Variants in CR1 observed in about 807,000 individuals in gnomAD.
CR1 encodes complement C3b/C4b receptor 1 (Knops blood group).
Under a neutral mutation model 187.3 loss-of-function variants are expected in CR1, and 116 were observed. That is an observed-to-expected ratio of 0.62 (90% CI 0.53 to 0.72). The LOEUF (loss-of-function observed/expected upper bound fraction) is 0.72. Among genes scored for constraint, CR1 ranks in the 30% least tolerant of loss-of-function variants. The probability of loss-of-function intolerance (pLI) is 0.00; values close to 1 mark genes in which losing one functional copy is unlikely to be tolerated. For synonymous variants in CR1, 576 were observed against 747.1 expected (o/e 0.77, Z 3.73); for missense variants, 1,731 against 2,110.7 (o/e 0.82, Z 3.52).
At chr1:207,498,799 A>G (rs994425749) in intron 1 of CR1, among the ~76,000 whole-genome samples, 4 of 135,772 alleles carry the variant, frequency 2.9e-5, no homozygotes, top group Non-Finnish European at 4.6e-5. Flanking sequence ...AATCGCTTGA[A>G]CCTGGGAGGC....
At chr1:207,517,189 T>C (rs1373375457) in intron 4 of CR1, among the ~76,000 whole-genome samples, 2 of 152,136 alleles carry the variant, frequency 1.3e-5, no homozygotes, top group African/African-American at 4.8e-5. Context: ...ATTACATTGA[T>C]TGATGTTTAA....
At chr1:207,579,441 G>A (rs1291696758) in intron 29 of CR1, among the ~76,000 whole-genome samples, 1 of 152,166 alleles carries the variant, frequency 6.6e-6, no homozygotes, top group Admixed American at 6.5e-5. Flanking sequence ...TCACAATCCT[G>A]CTGACCAAAA....
chr1:207,617,505 ATATGTGTG>A lies in CR1; in HGVS notation c.6890-564_6890-557del, dbSNP rs1455997001. On this transcript the variant is annotated intron_variant, in intron 41 of 46. Transcript: ENST00000367049. Reference sequence around the variant, plus strand: ...AAAGTATATATATATATATATATATATATGTGTGTGTGTGTGTGTGTGTGTGTGTGTGT... The same window carrying A: ...AAAGTATATATATATATATATATATATGTGTGTGTGTGTGTGTGTGTGTGT... Among the ~76,000 whole-genome samples, 160 of 40,878 alleles carry A rather than the reference ATATGTGTG, an allele frequency of 3.9e-3. 17 individuals are homozygous for A. Among genetic ancestry groups the A allele is most frequent in the African/African-American group, 0.012 (158 of 12,984 alleles). 26.8% of individuals were successfully genotyped at this position (40,878 alleles called of 152,430 possible).
At chr1:207,585,020 A>G in intron 33 of CR1, 144 bp downstream of exon 33, 1 of 1,315,128 alleles carries the variant, frequency 7.6e-7, no homozygotes, top group Non-Finnish European at 1.0e-6. Context: ...CCATAGCTAA[A>G]ACAGATGGGT....
At chr1:207,629,794 G>T (rs1382712644) in intron 45 of CR1, among the ~76,000 whole-genome samples, 2 of 152,172 alleles carry the variant, frequency 1.3e-5, no homozygotes, top group African/African-American at 2.4e-5. Flanking sequence ...CCAAGTGAGG[G>T]TGAGGGCTTT....
chr1:207,585,245 TA>T (rs1285701795), intron 33 of CR1, among the ~76,000 whole-genome samples: 1 of 152,186 alleles, frequency 6.6e-6, no homozygotes, highest in Admixed American at 6.5e-5. Flanking sequence ...ACAGTCTCCA[TA>T]AGTTCATGAG....
chr1:207,575,618 C>G lies in CR1; in HGVS notation c.4475C>G (p.Ser1492Cys). The change falls in exon 28 of 47, where the codon TCT (serine) becomes TGT (cysteine). Residue 1492 changes from serine (S) to cysteine (C), a missense_variant. Ser to Cys is a moderately radical substitution (Grantham distance 112). Around this residue, in one of 5 missense-constraint regions of CR1, gnomAD observed 1,312 missense variants for 1,379.6 expected, o/e 0.95. Coordinates refer to ENST00000367049, the MANE Select transcript of CR1 (RefSeq NM_000651.6). ...AGGCACCGACTCATTGGTCACTCAT[C>G]TGCTGAATGTATCCTCTCAGGCAAT... Reference protein sequence around the residue: ...TTGHRLIGHSSAECILSGNTA... With the variant: ...TTGHRLIGHSCAECILSGNTA... 1 of 1,611,826 alleles carries G rather than the reference C, an allele frequency of 6.2e-7. No individual in the cohort carries two copies. Among genetic ancestry groups the G allele is most frequent in the Non-Finnish European group, 8.5e-7 (1 of 1,179,694 alleles).
At chr1:207,638,587 C>T (rs186126090) in intron 46 of CR1, among the ~76,000 whole-genome samples, 35 of 152,346 alleles carry the variant, frequency 2.3e-4, no homozygotes, top group African/African-American at 7.9e-4. Flanking sequence ...GCAGCCTTTC[C>T]TGTTGGATCA....
At chr1:207,586,193 A>AGTG (rs1661107581) in intron 33 of CR1, among the ~76,000 whole-genome samples, 1 of 151,750 alleles carries the variant, frequency 6.6e-6, no homozygotes, top group Admixed American at 6.6e-5. Flanking sequence ...GGTGGAGTAG[A>AGTG]GTGGTGCAAT....
intron 35 of CR1, among the ~76,000 whole-genome samples, chr1:207,593,780 G>A (rs938125407): frequency 1.4e-4 from 21 of 151,808 alleles, no homozygotes; most frequent in Admixed American, 4.6e-4. Flanking sequence ...CAACCCTATC[G>A]AAAAGAGGGC....
chr1:207,504,473 T>C (rs1659368237), intron 1 of CR1, among the ~76,000 whole-genome samples: 1 of 149,358 alleles, frequency 6.7e-6, no homozygotes, highest in African/African-American at 2.5e-5. Context: ...TAGACAAATG[T>C]ACAATAAATA....
chr1:207,635,982 A>G (rs1036649332), intron 46 of CR1, among the ~76,000 whole-genome samples: 1 of 152,226 alleles, frequency 6.6e-6, no homozygotes, highest in African/African-American at 2.4e-5. Flanking sequence ...TCAAGGCAGA[A>G]GAATTTTTCT....
In CR1 at chr1:207,617,507, A is replaced by ATATATATGTGTG. The variant is rs1332301171; in HGVS notation, c.6890-563_6890-562insATATATGTGTGT. Among the ~76,000 whole-genome samples the ATATATATGTGTG allele has an allele frequency of 1.5e-3, 69 of 47,026 alleles. 2 individuals carry two copies. Among genetic ancestry groups the ATATATATGTGTG allele is most frequent in the South Asian group, 3.3e-3 (5 of 1,528 alleles). 30.9% of individuals were successfully genotyped at this position (47,026 alleles called of 152,430 possible). A position where few individuals can be genotyped will look rare whatever the true frequency, so the allele number is the denominator to read the frequency against. The stretch of plus-strand genomic sequence containing the variant: ...AGTATATATATATATATATATATAT[A>ATATATATGTGTG]TGTGTGTGTGTGTGTGTGTGTGTGT... On this transcript the variant is annotated intron_variant, in intron 41 of 46. Transcript: ENST00000367049.
intron 40 of CR1, among the ~76,000 whole-genome samples, chr1:207,614,797 G>A (rs542383129): frequency 7.9e-5 from 12 of 152,124 alleles, no homozygotes; most frequent in African/African-American, 2.9e-4. Context: ...TCTTATCAAG[G>A]AGGAATCTTT....
At chr1:207,521,818 A>G (rs1428707974) in intron 4 of CR1, among the ~76,000 whole-genome samples, 5 of 144,518 alleles carry the variant, frequency 3.5e-5, no homozygotes, top group Non-Finnish European at 6.0e-5. Context: ...ATATATATAT[A>G]TATATATATG....
At chr1:207,578,297 G>T (rs896516310) in intron 29 of CR1, 94 bp downstream of exon 29, 12 of 1,603,188 alleles carry the variant, frequency 7.5e-6, no homozygotes, top group African/African-American at 5.4e-5. Context: ...GGTATGTATG[G>T]TGAGGAGGGT....
At position 207,506,721 on chromosome 1, in the gene CR1, A is replaced by G; in HGVS notation, c.309A>G (p.Ser103=). Residue 103 remains serine, a synonymous_variant, in exon 3 of 47, where the codon TCA becomes TCG. Transcript: ENST00000367049. ...TCTGTTTCTTTCCTGTAGGTAAATCATGTCGTAATCCTCCAGATCCTGTGA... is the reference window on the plus strand; with the variant it reads ...TCTGTTTCTTTCCTGTAGGTAAATCGTGTCGTAATCCTCCAGATCCTGTGA... ...TGAKDRCRRK[S]CRNPPDPVNG... 1 of 1,613,512 alleles carries G rather than the reference A, an allele frequency of 6.2e-7. No individual in the cohort carries two copies. Among genetic ancestry groups the G allele is most frequent in the Non-Finnish European group, 8.5e-7 (1 of 1,179,588 alleles).
intron 46 of CR1, among the ~76,000 whole-genome samples, chr1:207,631,538 T>A (rs17186848): frequency 6.6e-6 from 1 of 152,020 alleles, no homozygotes; most frequent in South Asian, 2.1e-4. Flanking sequence ...CACTGGCTAG[T>A]TCCCCTTTTA....
intron 40 of CR1, among the ~76,000 whole-genome samples, chr1:207,616,344 C>T (rs1257655402): frequency 6.6e-6 from 1 of 152,116 alleles, no homozygotes; most frequent in Non-Finnish European, 1.5e-5. Context: ...AACATAGGTA[C>T]CTGAGTGGTC....
Sources: gnomAD v4.1 joint callset for allele counts (sites outside exome capture counted in the v4.1 genomes callset) on GRCh38, gnomAD v4.1.1 for gene constraint, gnomAD v4.1.1 regional missense constraint, MANE v1.5 for transcripts, NCBI Gene and HGNC (gene_info 2026-07-23, HGNC 2026-07-21) for gene names.